SDC3: variants seen among roughly 807,000 people sequenced by gnomAD.
SDC3 encodes syndecan 3, also known as syndecan-3.
A neutral mutation model predicts 24.4 loss-of-function variants in SDC3; 13 were observed. The observed-to-expected ratio is 0.53, with a 90% confidence interval of 0.35 to 0.85. The LOEUF (loss-of-function observed/expected upper bound fraction) is 0.85, where lower values mean the gene tolerates loss of function less well. Among genes scored for constraint, SDC3 ranks in the 40% least tolerant of loss-of-function variants. The pLI is 0.01. For missense variants in SDC3, 571 were observed against 584.5 expected, an observed-to-expected ratio of 0.98 and a Z score of 0.24; for synonymous variants, 295 against 260.9, an observed-to-expected ratio of 1.13 and a Z score of -1.26.
rs771039175 is a variant in SDC3, at chr1:30,876,963, G to T, written c.459C>A (p.Ser153Arg). The change falls in exon 3 of 5, where the codon AGC becomes AGA. Residue 153 changes from serine (S) to arginine (R), a missense_variant. By Grantham distance (110) the Ser-to-Arg change is moderately radical. This residue lies in a region of SDC3 where 497 missense variants were observed against 471.6 expected (regional missense o/e 1.05). Coordinates refer to ENST00000339394, the MANE Select transcript of SDC3 (RefSeq NM_014654.4). ...LVVTEVPEEP[S>R]QRATTVSTTM... ...TAGTGGAGACGGTGGTGGCTCTCTG[G>T]CTGGGCTCTTCCGGGACTTCTGTCA... 3.1e-6 allele frequency: 5 copies of T among 1,613,606 alleles called. No individual in the cohort carries two copies. The highest frequency in any genetic ancestry group is 3.3e-5 in the Admixed American group (2 of 59,998).
rs1639530220 is a variant in SDC3, at chr1:30,871,311, G to C, written c.*1900C>G. On this transcript the variant is annotated 3_prime_UTR_variant, in exon 5 of 5. Coordinates refer to ENST00000339394, the MANE Select transcript of SDC3 (RefSeq NM_014654.4). ...GAATCTGGGATGTGGGTGAGGGGTG[G>C]GGGTGTGAGTGCCAGCCAATCGCAA... The C allele has an allele frequency of 6.6e-6, 1 of 152,194 alleles. No individual in the cohort carries two copies. The highest frequency in any genetic ancestry group is 1.5e-5 in the Non-Finnish European group (1 of 68,042). The allele number at this position is 152,194 out of a possible 1,614,324, so 9.4% of individuals were successfully genotyped here. A position where few individuals can be genotyped will look rare whatever the true frequency, so the allele number is the denominator to read the frequency against.
At chr1:30,903,139 A>C (rs903468222) in intron 1 of SDC3, among the ~76,000 whole-genome samples, 1 of 152,162 alleles carries the variant, frequency 6.6e-6, no homozygotes, top group African/African-American at 2.4e-5. Context: ...CTCAATCACT[A>C]TGAGGCCAGA....
chr1:30,887,479 T>C (rs1419496024), intron 1 of SDC3, among the ~76,000 whole-genome samples: 1 of 151,970 alleles, frequency 6.6e-6, no homozygotes, highest in East Asian at 1.9e-4. Flanking sequence ...AGGCAGTTAG[T>C]AGGCACTGGG....
At chr1:30,877,519 C>T in intron 2 of SDC3, 1 of 522,152 alleles carries the variant, frequency 1.9e-6, no homozygotes, top group Non-Finnish European at 3.4e-6. Context: ...CAGGGGAACA[C>T]AGGAGTGGCA....
chr1:30,908,669 G>A lies in SDC3; in HGVS notation c.-83C>T. On this transcript the variant is annotated 5_prime_UTR_variant, in exon 1 of 5. Coordinates refer to ENST00000339394, the MANE Select transcript of SDC3 (RefSeq NM_014654.4). ...CGGCGCGCGGGGCGGCTGCTTGGCGGCGGCGCGGCCCGGCGGCTGGACCGA... is the reference window on the plus strand; with the variant it reads ...CGGCGCGCGGGGCGGCTGCTTGGCGACGGCGCGGCCCGGCGGCTGGACCGA... The A allele has an allele frequency of 2.0e-6, 1 of 496,992 alleles. No individual in the cohort carries two copies. Among genetic ancestry groups the A allele is most frequent in the South Asian group, 8.1e-5 (1 of 12,360 alleles). The allele number at this position is 496,992 out of a possible 1,614,324, so 30.8% of individuals were successfully genotyped here. A position where few individuals can be genotyped will look rare whatever the true frequency, so the allele number is the denominator to read the frequency against.
rs41269511 is a variant in SDC3 at position 30,870,154 on chromosome 1, G to T, written c.*3057C>A. On this transcript the variant is annotated 3_prime_UTR_variant, in exon 5 of 5. Transcript: ENST00000339394. Reference sequence around the variant, plus strand: ...TGTGTCCAGGGGCCCCCACCAGGAGGCCTGACAGGCGGCTTTGCCAACCCC... The same window carrying T: ...TGTGTCCAGGGGCCCCCACCAGGAGTCCTGACAGGCGGCTTTGCCAACCCC... 3 of 374,538 alleles carry T rather than the reference G, an allele frequency of 8.0e-6. No individual in the cohort carries two copies. Among genetic ancestry groups the T allele is most frequent in the Middle Eastern group, 6.6e-4 (1 of 1,514 alleles). 23.2% of individuals were successfully genotyped at this position (374,538 alleles called of 1,614,324 possible).
At chr1:30,901,369 G>A (rs1638411499) in intron 1 of SDC3, among the ~76,000 whole-genome samples, 1 of 152,238 alleles carries the variant, frequency 6.6e-6, no homozygotes, top group African/African-American at 2.4e-5. Context: ...CCATGTGACA[G>A]ACAGAACACA....
chr1:30,887,862 T>G (rs1366847271), intron 1 of SDC3, among the ~76,000 whole-genome samples: 1 of 152,326 alleles, frequency 6.6e-6, no homozygotes, highest in Non-Finnish European at 1.5e-5. Context: ...GGCCCTGCTC[T>G]TCTCTGGCCT....
Position 30,872,249 on chromosome 1 carries a change from G to A in SDC3, c.*962C>T, listed in dbSNP as rs939118061. On this transcript the variant is annotated 3_prime_UTR_variant, in exon 5 of 5. Coordinates refer to ENST00000339394, the MANE Select transcript of SDC3 (RefSeq NM_014654.4). ...GCTGGAGACAATGTGTGTGGTGCCA[G>A]AGTGTGGGTGTATTTGGGGTAGGAG... 1 of 152,326 alleles carries A rather than the reference G, an allele frequency of 6.6e-6. No individual in the cohort carries two copies. The highest frequency in any genetic ancestry group is 1.5e-5 in the Non-Finnish European group (1 of 68,096). 9.4% of individuals were successfully genotyped at this position (152,326 alleles called of 1,614,324 possible).
chr1:30,894,693 TGA>T (rs1353361385), intron 1 of SDC3, among the ~76,000 whole-genome samples: 6 of 134,128 alleles, frequency 4.5e-5, no homozygotes, highest in African/African-American at 1.6e-4. Context: ...AGTGTGTGGG[TGA>T]GAGTGTGTGG....
At chr1:30,891,575 G>A (rs1639904644) in intron 1 of SDC3, among the ~76,000 whole-genome samples, 1 of 152,222 alleles carries the variant, frequency 6.6e-6, no homozygotes, top group South Asian at 2.1e-4. Context: ...TGATCTCTCA[G>A]CCATTAAGAA....
chr1:30,907,709 G>T (rs552349085), intron 1 of SDC3, among the ~76,000 whole-genome samples: 1 of 151,998 alleles, frequency 6.6e-6, no homozygotes, highest in Non-Finnish European at 1.5e-5. Context: ...ACCTGCACAC[G>T]CCCCACAGGT....
At chr1:30,888,228 A>G (rs1639859000) in intron 1 of SDC3, among the ~76,000 whole-genome samples, 1 of 152,166 alleles carries the variant, frequency 6.6e-6, no homozygotes, top group Admixed American at 6.5e-5. Context: ...TCAGCCGGAG[A>G]GTCAGGATGG....
At chr1:30,883,430 G>A (rs1163467309) in intron 1 of SDC3, among the ~76,000 whole-genome samples, 2 of 152,196 alleles carry the variant, frequency 1.3e-5, no homozygotes, top group Non-Finnish European at 2.9e-5. Flanking sequence ...CAAGGGGTGG[G>A]GGCCCAGCTT....
chr1:30,895,475 C>G (rs562067780), intron 1 of SDC3, among the ~76,000 whole-genome samples: 2 of 152,128 alleles, frequency 1.3e-5, no homozygotes, highest in South Asian at 2.1e-4. Context: ...GCTTCAGCCC[C>G]GGGGAAGCTG....
rs1022025017 is a variant in SDC3 at position 30,872,630 on chromosome 1, A to G, written c.*581T>C. Reference sequence around the variant, plus strand: ...AGAAATGAAGTCTGGGTACATGTGTACTTGGCAGGCAAGAGGAGAGATTCA... The same window carrying G: ...AGAAATGAAGTCTGGGTACATGTGTGCTTGGCAGGCAAGAGGAGAGATTCA... On this transcript the variant is annotated 3_prime_UTR_variant, in exon 5 of 5. Coordinates refer to ENST00000339394, the MANE Select transcript of SDC3 (RefSeq NM_014654.4). 1.3e-5 allele frequency: 2 copies of G among 153,662 alleles called. No homozygotes were observed. The highest frequency in any genetic ancestry group is 4.8e-5 in the African/African-American group (2 of 41,434). The allele number at this position is 153,662 out of a possible 1,614,324, so 9.5% of individuals were successfully genotyped here. A position where few individuals can be genotyped will look rare whatever the true frequency, so the allele number is the denominator to read the frequency against.
At chr1:30,885,248 T>G (rs1639811227) in intron 1 of SDC3, among the ~76,000 whole-genome samples, 1 of 152,220 alleles carries the variant, frequency 6.6e-6, no homozygotes, top group African/African-American at 2.4e-5. Context: ...TGCTGGCTAT[T>G]AATATGAGTA....
At chr1:30,904,028 C>T (rs1638466685) in intron 1 of SDC3, among the ~76,000 whole-genome samples, 1 of 152,144 alleles carries the variant, frequency 6.6e-6, no homozygotes, top group African/African-American at 2.4e-5. Context: ...TGTTCGAGAA[C>T]AGCCTGGGCA....
Position 30,886,095 on chromosome 1 carries a change from C to T in SDC3, c.139-7355G>A, listed in dbSNP as rs149861670. On this transcript the variant is annotated intron_variant, in intron 1 of 4. Coordinates refer to ENST00000339394, the MANE Select transcript of SDC3 (RefSeq NM_014654.4). ...CGTTTCCAGACCCAGCAGCACCCCC[C>T]ACACCCCACTCCCAGCTGCCCACCC... is the stretch of plus-strand genomic sequence containing the variant. Among the ~76,000 whole-genome samples the T allele has an allele frequency of 1.5e-3, 228 of 152,202 alleles. 1 individual carries two copies. Among genetic ancestry groups the T allele is most frequent in the African/African-American group, 4.7e-3 (196 of 41,516 alleles).
Sources: allele counts gnomAD v4.1 joint callset (sites outside exome capture counted in the v4.1 genomes callset), GRCh38; gene constraint gnomAD v4.1.1; regional missense constraint gnomAD v4.1.1; transcripts MANE v1.5; gene names NCBI Gene and HGNC (gene_info 2026-07-23, HGNC 2026-07-21).